Variants in AZI2 observed in about 807,000 individuals in gnomAD.
AZI2 encodes 5-azacytidine-induced protein 2.
Under a neutral mutation model 45.8 loss-of-function variants are expected in AZI2, and 22 were observed. That is an observed-to-expected ratio of 0.48 (90% CI 0.34 to 0.69). The LOEUF (loss-of-function observed/expected upper bound fraction) is 0.69, where lower values mean the gene tolerates loss of function less well. Ranked by LOEUF, AZI2 falls within the 30% of genes least tolerant of loss-of-function variation. AZI2 has a pLI of 0.01. For synonymous variants in AZI2, 137 were observed against 156.7 expected, an observed-to-expected ratio of 0.87 and a Z score of 0.94; for missense variants, 417 against 441.5, an observed-to-expected ratio of 0.94 and a Z score of 0.50.
chr3:28,331,812 A>G, intron 6 of AZI2: 1 of 1,535,630 alleles, frequency 6.5e-7, no homozygotes, highest in Non-Finnish European at 8.8e-7. Context: ...TAAAAATGAT[A>G]CGTATTTGAG....
intron 6 of AZI2, among the ~76,000 whole-genome samples, chr3:28,330,297 T>G (rs34073140): frequency 0.021 from 3,107 of 151,438 alleles, 45 homozygotes; most frequent in Non-Finnish European, 0.029. Flanking sequence ...AGAGAAACAG[T>G]ATACTACACC....
intron 1 of AZI2, among the ~76,000 whole-genome samples, chr3:28,347,413 G>T (rs1704290805): frequency 6.6e-6 from 1 of 152,168 alleles, no homozygotes; most frequent in Admixed American, 6.5e-5. Flanking sequence ...TCAGATTACA[G>T]GTGGAGAAAT....
At position 28,338,559 on chromosome 3, in the gene AZI2, C is replaced by T; in HGVS notation, c.273G>A (p.Lys91=). 6.2e-7 allele frequency: 1 copy of T among 1,609,908 alleles called. No homozygotes were observed. Among genetic ancestry groups the T allele is most frequent in the African/African-American group, 1.3e-5 (1 of 74,990 alleles). The change falls in exon 3 of 8, where the codon AAG becomes AAA. Residue 91 remains lysine (K), a synonymous_variant. Transcript: ENST00000479665. ...TSSVGREQVN[K]AYHAYREVCI... is the part of the protein sequence containing the mutation. The stretch of plus-strand genomic sequence containing the variant: ...AAACCTCTCGATATGCATGATAGGC[C>T]TTATTTACTTGTTCTCGTCCCACGG...
At chr3:28,335,516 G>A (rs570088673) in intron 5 of AZI2, among the ~76,000 whole-genome samples, 1 of 151,982 alleles carries the variant, frequency 6.6e-6, no homozygotes, top group South Asian at 2.1e-4. Context: ...GACTCTAACG[G>A]GAGTTGACAG....
At chr3:28,348,342 G>A (rs1704350587) in intron 1 of AZI2, 1 of 152,094 alleles carries the variant, frequency 6.6e-6, no homozygotes, top group Non-Finnish European at 1.5e-5. Flanking sequence ...AAGAAAAGGA[G>A]TAATTAGAGA....
chr3:28,324,143 T>C lies in AZI2; in HGVS notation c.1078A>G (p.Thr360Ala), dbSNP rs1342136489. The C allele has an allele frequency of 6.2e-7, 1 of 1,610,630 alleles. No individual in the cohort carries two copies. The highest frequency in any genetic ancestry group is 1.7e-5 in the Admixed American group (1 of 59,744). ...TTAGTTTTAGTTTCCCCAAATGCTGTCTCACTTGATTTAGGAGGACTTGGA... is the reference window on the plus strand; with the variant it reads ...TTAGTTTTAGTTTCCCCAAATGCTGCCTCACTTGATTTAGGAGGACTTGGA... The part of the protein sequence containing the change: ...VFPSPPKSSE[T>A]AFGETKTKTL... Residue 360 changes from threonine (T) to alanine (A), a missense_variant, in exon 8 of 8, where the codon ACA becomes GCA. Thr to Ala is a moderately conservative substitution (Grantham distance 58, BLOSUM62 0). Coordinates refer to ENST00000479665, the MANE Select transcript of AZI2 (RefSeq NM_022461.5).
At chr3:28,332,463 G>T in intron 5 of AZI2, 36 bp from the exon 6 acceptor site, 3 of 1,548,700 alleles carry the variant, frequency 1.9e-6, no homozygotes, top group Non-Finnish European at 2.7e-6. Flanking sequence ...TTTAAAAGTT[G>T]TAATTTTTAC....
chr3:28,339,271 C>T (rs1032131764), intron 2 of AZI2, among the ~76,000 whole-genome samples: 2 of 152,004 alleles, frequency 1.3e-5, no homozygotes, highest in Non-Finnish European at 2.9e-5. Context: ...AGCCACCGTG[C>T]CCAGCCAAGG....
At chr3:28,336,468 C>T (rs1004672256) in intron 5 of AZI2, among the ~76,000 whole-genome samples, 2 of 151,838 alleles carry the variant, frequency 1.3e-5, no homozygotes, top group African/African-American at 2.4e-5. Context: ...TCTGAAAGAA[C>T]AGTTATAATA....
At chr3:28,336,681 C>G (rs1703804525) in intron 5 of AZI2, 56 bp downstream of exon 5, 1 of 1,519,424 alleles carries the variant, frequency 6.6e-7, no homozygotes, top group African/African-American at 1.4e-5. Flanking sequence ...AGTTATAAAT[C>G]CTACATATGA....
In AZI2 at chr3:28,333,049, A is replaced by G. The variant is rs560212006; in HGVS notation, c.589-622T>C. Among the ~76,000 whole-genome samples, 620 of 151,920 alleles carry G rather than the reference A, an allele frequency of 4.1e-3. 10 individuals carry two copies. The highest frequency in any genetic ancestry group is 2.3e-3 in the Non-Finnish European group (159 of 67,830). On this transcript the variant is annotated intron_variant, in intron 5 of 7. Coordinates refer to ENST00000479665, the MANE Select transcript of AZI2 (RefSeq NM_022461.5). Reference sequence around the variant, plus strand: ...ACTTAGTATGTTTGAGACAACTCTAACACACTTGTTTGCAATGCATTCTCA... The same window carrying G: ...ACTTAGTATGTTTGAGACAACTCTAGCACACTTGTTTGCAATGCATTCTCA...
Position 28,324,512 on chromosome 3 carries a change from C to T in AZI2, c.767-58G>A, listed in dbSNP as rs1003891547. 2.8e-5 allele frequency: 38 copies of T among 1,356,824 alleles called. No individual in the cohort carries two copies. In the Admixed American group the frequency reaches 6.2e-4, roughly 22 times the overall value. The allele number at this position is 1,356,824 out of a possible 1,614,324, so 84.0% of individuals were successfully genotyped here. On this transcript the variant is annotated intron_variant, in intron 7 of 7. Transcript: ENST00000479665. The stretch of plus-strand genomic sequence containing the variant: ...TCATTACATTTGTGATCATAAAATT[C>T]GATAACACTTCACCAATTTGAATTC...
chr3:28,326,096 A>G (rs910274069), intron 7 of AZI2, among the ~76,000 whole-genome samples: 22 of 151,044 alleles, frequency 1.5e-4, no homozygotes, highest in African/African-American at 5.1e-4. Flanking sequence ...TAAAAAGTAA[A>G]TTTTAGGGCA....
intron 5 of AZI2, among the ~76,000 whole-genome samples, chr3:28,335,761 G>A (rs190923847): frequency 6.6e-6 from 1 of 152,006 alleles, no homozygotes; most frequent in Non-Finnish European, 1.5e-5. Context: ...AAGCAGTCAG[G>A]AAGTATGGGA....
At chr3:28,333,196 T>G (rs1703653419) in intron 5 of AZI2, among the ~76,000 whole-genome samples, 1 of 151,818 alleles carries the variant, frequency 6.6e-6, no homozygotes, top group Non-Finnish European at 1.5e-5. Flanking sequence ...ACAATCTAAA[T>G]TATATAATTT....
chr3:28,322,611 G>A lies in AZI2; in HGVS notation c.*1431C>T, dbSNP rs749940339. Reference sequence around the variant, plus strand: ...TCCTTCAGCTAAAGCCTGGAGTATTGTATTTCTTTTATGCATATTGGGTTT... The same window carrying A: ...TCCTTCAGCTAAAGCCTGGAGTATTATATTTCTTTTATGCATATTGGGTTT... On this transcript the variant is annotated 3_prime_UTR_variant, in exon 8 of 8. Coordinates refer to ENST00000479665, the MANE Select transcript of AZI2 (RefSeq NM_022461.5). The A allele has an allele frequency of 1.3e-5, 2 of 151,544 alleles. No individual in the cohort carries two copies. The highest frequency in any genetic ancestry group is 4.8e-5 in the African/African-American group (2 of 41,288). The allele number at this position is 151,544 out of a possible 1,614,324, so 9.4% of individuals were successfully genotyped here. A position where few individuals can be genotyped will look rare whatever the true frequency, so the allele number is the denominator to read the frequency against.
At chr3:28,332,615 C>T (rs540252094) in intron 5 of AZI2, among the ~76,000 whole-genome samples, 188 bp from the exon 6 acceptor site, 14 of 151,740 alleles carry the variant, frequency 9.2e-5, no homozygotes, top group Middle Eastern at 3.4e-3. Context: ...CTCTAAATCA[C>T]GTCCAATGGT....
Position 28,336,903 on chromosome 3 carries a change from A to G in AZI2, c.440-18T>C. On this transcript the variant is annotated intron_variant, in intron 4 of 7. Transcript: ENST00000479665. The stretch of plus-strand genomic sequence containing the variant: ...CCTCATCACTACAAAAAGGATGGAC[A>G]CTGAAATTGTTATCTTTTCCTTCTA... 6.2e-7 allele frequency: 1 copy of G among 1,609,206 alleles called. No individual in the cohort carries two copies. Among genetic ancestry groups the G allele is most frequent in the Non-Finnish European group, 8.5e-7 (1 of 1,177,262 alleles).
rs1401942489 is a variant in AZI2, at chr3:28,323,317, A to G, written c.*725T>C. The G allele has an allele frequency of 6.7e-6, 1 of 150,128 alleles. No individual in the cohort carries two copies. Among genetic ancestry groups the G allele is most frequent in the Non-Finnish European group, 1.5e-5 (1 of 66,982 alleles). 9.3% of individuals were successfully genotyped at this position (150,128 alleles called of 1,614,324 possible). ...TTATTGAATAGTGTGTAGGGTTACAATCATTTGTTTACACCCCAGAGTTTT... is the reference window on the plus strand; with the variant it reads ...TTATTGAATAGTGTGTAGGGTTACAGTCATTTGTTTACACCCCAGAGTTTT... On this transcript the variant is annotated 3_prime_UTR_variant, in exon 8 of 8. Coordinates refer to ENST00000479665, the MANE Select transcript of AZI2 (RefSeq NM_022461.5).
Sources: allele counts gnomAD v4.1 joint callset (sites outside exome capture counted in the v4.1 genomes callset), GRCh38; gene constraint gnomAD v4.1.1; transcripts MANE v1.5; gene names NCBI Gene and HGNC (gene_info 2026-07-23, HGNC 2026-07-21).